MGST1: variants seen among roughly 807,000 people sequenced by gnomAD.
MGST1 encodes microsomal glutathione S-transferase 1.
In MGST1, 5 loss-of-function variants were observed where a neutral mutation model predicts 8.9. The observed-to-expected ratio is 0.56, with a 90% CI of 0.29 to 1.19. The LOEUF is 1.19. Among genes scored for constraint, MGST1 ranks in the 50% most tolerant of loss-of-function variants. The pLI is 0.08. For missense variants in MGST1, 182 were observed against 187.4 expected, an observed-to-expected ratio of 0.97 and a Z score of 0.17; for synonymous variants, 54 against 67.8, an observed-to-expected ratio of 0.80 and a Z score of 1.00.
chr12:16,418,184 TTA>T (rs1278023326), intron 1 of MGST1, among the ~76,000 whole-genome samples: 3 of 152,176 alleles, frequency 2.0e-5, no homozygotes, highest in African/African-American at 7.2e-5. Context: ...CAAAACAACC[TTA>T]TAGAGTGGCG....
intron 1 of MGST1, chr12:16,402,043 C>G (rs1444140607): frequency 6.3e-7 from 1 of 1,583,220 alleles, no homozygotes; most frequent in South Asian, 1.1e-5. Context: ...TTCTTGCTTT[C>G]TTTAATGGCT....
chr12:16,364,371 A>G lies in MGST1; in HGVS notation c.*330A>G, dbSNP rs1940143874. ...ACGTATGAGAAACCTATATTTCAATACTGCTGAAACAGACATGAAATAAAG... is the reference window on the plus strand; with the variant it reads ...ACGTATGAGAAACCTATATTTCAATGCTGCTGAAACAGACATGAAATAAAG... On this transcript the variant is annotated 3_prime_UTR_variant, in exon 4 of 4. Transcript: ENST00000396210. This position sits in a 1 kb window ranked among gnomAD's most constrained non-coding sequence, Gnocchi z 5.7. 4.0e-6 allele frequency: 4 copies of G among 1,004,760 alleles called. No individual in the cohort carries two copies. The highest frequency in any genetic ancestry group is 4.8e-6 in the Non-Finnish European group (4 of 840,278). The allele number at this position is 1,004,760 out of a possible 1,614,324, so 62.2% of individuals were successfully genotyped here. A position where few individuals can be genotyped will look rare whatever the true frequency, so the allele number is the denominator to read the frequency against.
intron 4 of MGST1, among the ~76,000 whole-genome samples, chr12:16,480,151 T>G (rs1209294399): frequency 6.7e-6 from 1 of 150,242 alleles, no homozygotes; most frequent in Non-Finnish European, 1.5e-5. Flanking sequence ...GCTTTTTTTT[T>G]TTTTTTTTTG....
At chr12:16,475,195 T>C (rs917862464) in intron 4 of MGST1, among the ~76,000 whole-genome samples, 5 of 152,166 alleles carry the variant, frequency 3.3e-5, no homozygotes, top group Non-Finnish European at 5.9e-5. Context: ...GCCCAGCATA[T>C]ACATGAGTTG....
intron 1 of MGST1, among the ~76,000 whole-genome samples, chr12:16,414,750 C>T (rs1350330600): frequency 6.6e-6 from 1 of 152,136 alleles, no homozygotes; most frequent in African/African-American, 2.4e-5. Flanking sequence ...CAGCTGGGCA[C>T]AGTGGCTCAT....
chr12:16,523,892 T>C (rs1379626241), intron 4 of MGST1, among the ~76,000 whole-genome samples: 2 of 152,130 alleles, frequency 1.3e-5, no homozygotes, highest in African/African-American at 4.8e-5. Flanking sequence ...GTAACTACTT[T>C]GGAAAAACAG....
chr12:16,575,449 C>T (rs1484391456), intron 4 of MGST1, among the ~76,000 whole-genome samples: 2 of 152,108 alleles, frequency 1.3e-5, no homozygotes, highest in African/African-American at 4.8e-5. Flanking sequence ...AATATCAATA[C>T]GAAATTTGGT....
intron 4 of MGST1, among the ~76,000 whole-genome samples, chr12:16,509,128 A>G (rs1431368681): frequency 6.6e-6 from 1 of 152,168 alleles, no homozygotes; most frequent in East Asian, 1.9e-4. Flanking sequence ...TTCTTTTCAC[A>G]GGAAATGTTG....
At chr12:16,477,405 G>A (rs1470719387) in intron 4 of MGST1, among the ~76,000 whole-genome samples, 1 of 152,112 alleles carries the variant, frequency 6.6e-6, no homozygotes, top group African/African-American at 2.4e-5. Flanking sequence ...CATGTTAAAT[G>A]CATGTGATAG....
At chr12:16,424,342 C>A (rs892486298) in intron 1 of MGST1, among the ~76,000 whole-genome samples, 3 of 152,068 alleles carry the variant, frequency 2.0e-5, no homozygotes, top group Non-Finnish European at 2.9e-5. Context: ...ATTTTCAATT[C>A]AAAAATATAT....
At chr12:16,485,146 G>T (rs1034511499) in intron 4 of MGST1, among the ~76,000 whole-genome samples, 5 of 152,158 alleles carry the variant, frequency 3.3e-5, no homozygotes, top group African/African-American at 1.2e-4. Flanking sequence ...TCTGCTCTTG[G>T]ATTCTGTGAA....
chr12:16,364,148 A>G lies in MGST1; in HGVS notation c.*107A>G. The G allele has an allele frequency of 1.4e-6, 2 of 1,438,558 alleles. No individual in the cohort carries two copies. The highest frequency in any genetic ancestry group is 1.8e-6 in the Non-Finnish European group (2 of 1,093,406). 89.1% of individuals were successfully genotyped at this position (1,438,558 alleles called of 1,614,324 possible). A position where few individuals can be genotyped will look rare whatever the true frequency, so the allele number is the denominator to read the frequency against. ...TAGGTAGGAGGGGAGCAGAGGAATT[A>G]TGAACTGGGGTAAACCCATTTTGAA... On this transcript the variant is annotated 3_prime_UTR_variant, in exon 4 of 4. Transcript: ENST00000396210. The surrounding 1 kb of genome is among the most constrained non-coding windows in gnomAD (Gnocchi z 5.7).
At chr12:16,579,578 A>G (rs1943096799) in intron 4 of MGST1, among the ~76,000 whole-genome samples, 1 of 152,194 alleles carries the variant, frequency 6.6e-6, no homozygotes, top group Admixed American at 6.5e-5. Flanking sequence ...AATCTTAGCC[A>G]GGGTAATGGC....
At chr12:16,457,684 A>T (rs1050872070) in intron 4 of MGST1, among the ~76,000 whole-genome samples, 1 of 151,896 alleles carries the variant, frequency 6.6e-6, no homozygotes, top group African/African-American at 2.4e-5. Context: ...TTTATTTTCA[A>T]TGATTTATTA....
chr12:16,483,431 A>G (rs1941378291), intron 4 of MGST1, among the ~76,000 whole-genome samples: 1 of 152,144 alleles, frequency 6.6e-6, no homozygotes, highest in Non-Finnish European at 1.5e-5. Context: ...ACTTGGAATC[A>G]AACCCTCGTT....
chr12:16,521,807 A>G (rs1941649733), intron 4 of MGST1, among the ~76,000 whole-genome samples: 1 of 152,178 alleles, frequency 6.6e-6, no homozygotes, highest in Non-Finnish European at 1.5e-5. Flanking sequence ...AAATACAGCA[A>G]TAAGATAACA....
chr12:16,359,132 A>G (rs1020620187), intron 3 of MGST1, among the ~76,000 whole-genome samples: 2 of 152,164 alleles, frequency 1.3e-5, no homozygotes, highest in Middle Eastern at 3.2e-3. Context: ...AGGCGTTTAC[A>G]CTGTGGCAGC....
chr12:16,440,433 A>T (rs1565455239), downstream of MGST1, among the ~76,000 whole-genome samples: 1 of 151,570 alleles, frequency 6.6e-6, no homozygotes, highest in Non-Finnish European at 1.5e-5. Context: ...TTCTTTTTTG[A>T]TTTTCATGGA....
rs1333566833 is a variant in MGST1, at chr12:16,410,460, A to G, written n.778+26856A>G. Among the ~76,000 whole-genome samples the G allele has an allele frequency of 1.3e-5, 2 of 151,676 alleles. No homozygotes were observed. The highest frequency in any genetic ancestry group is 4.8e-5 in the African/African-American group (2 of 41,288). ...TTTTCTAAATCTGCAAATATGATGC[A>G]CTCAGTTCTATAGACGCTAGTCAGA... On this transcript the variant is annotated intron_variant and non_coding_transcript_variant, in intron 1 of 1. Coordinates refer to the MGST1 transcript ENST00000359720. This position sits in a 1 kb window ranked among gnomAD's most constrained non-coding sequence, Gnocchi z 4.4.
Sources: gnomAD v4.1 joint callset for allele counts (sites outside exome capture counted in the v4.1 genomes callset) on GRCh38, gnomAD v4.1.1 for gene constraint, Gnocchi (gnomAD v3.1) non-coding constraint, MANE v1.5 for transcripts, NCBI Gene and HGNC (gene_info 2026-07-23, HGNC 2026-07-21) for gene names.